SSBP3: variants seen among roughly 807,000 people sequenced by gnomAD.
SSBP3 encodes the protein single-stranded DNA-binding protein 3.
SSBP3 carries 5 observed loss-of-function variants against 69.6 expected under a neutral mutation model. The observed-to-expected ratio is 0.07, with a 90% confidence interval of 0.04 to 0.15. SSBP3 has a LOEUF of 0.15. Ranked by LOEUF, SSBP3 falls within the 10% of genes least tolerant of loss-of-function variation. The pLI is 1.00. For synonymous variants in SSBP3, 196 were observed against 193.4 expected (o/e 1.01, Z -0.11); for missense variants, 312 against 534.0 (o/e 0.58, Z 4.10).
chr1:54,272,704 G>A (rs374620128), intron 5 of SSBP3, among the ~76,000 whole-genome samples: 13 of 152,210 alleles, frequency 8.5e-5, no homozygotes, highest in Non-Finnish European at 1.3e-4. Context: ...GAGAACTGCC[G>A]ACCTGCGGCA....
chr1:54,382,438 G>A (rs537952127), intron 4 of SSBP3, among the ~76,000 whole-genome samples: 18 of 152,312 alleles, frequency 1.2e-4, no homozygotes, highest in African/African-American at 1.9e-4. Context: ...TGAGGTCTGT[G>A]AGGGCAAAAG....
chr1:54,232,439 T>A (rs643805), intron 14 of SSBP3, among the ~76,000 whole-genome samples: 95,866 of 151,532 alleles, frequency 0.63, 31,215 homozygotes, highest in African/African-American at 0.79. Flanking sequence ...TATGTTTTTT[T>A]AAAATAAAAC....
At chr1:54,411,635 G>A (rs1010074866) in intron 1 of SSBP3, among the ~76,000 whole-genome samples, 4 of 152,050 alleles carry the variant, frequency 2.6e-5, no homozygotes, top group African/African-American at 9.7e-5. Context: ...GTTCACGCCT[G>A]TAATCCCGGC....
intron 4 of SSBP3, among the ~76,000 whole-genome samples, chr1:54,302,164 T>C (rs566902611): frequency 1.3e-5 from 2 of 152,314 alleles, no homozygotes; most frequent in South Asian, 4.1e-4. Context: ...TGTCTTCCCC[T>C]CCAGCCTGTA....
At chr1:54,359,292 T>TG (rs1646916982) in intron 4 of SSBP3, among the ~76,000 whole-genome samples, 1 of 150,992 alleles carries the variant, frequency 6.6e-6, no homozygotes, top group Non-Finnish European at 1.5e-5. Context: ...AGATTATAGC[T>TG]GCTCTGTCTA....
chr1:54,240,034 A>C (rs1166632333), intron 13 of SSBP3, among the ~76,000 whole-genome samples: 1 of 148,378 alleles, frequency 6.7e-6, no homozygotes, highest in Non-Finnish European at 1.5e-5. Context: ...GGAAAGAAAC[A>C]TAATTGTGAT....
Position 54,268,795 on chromosome 1 carries a change from G to A in SSBP3, c.367-10646C>T, listed in dbSNP as rs3820109. Among the ~76,000 whole-genome samples, 27 of 152,344 alleles carry A rather than the reference G, an allele frequency of 1.8e-4. No individual in the cohort carries two copies. In the East Asian group the frequency reaches 5.2e-3, roughly 29 times the overall value. ...AACCAGGACTCTGGGAGACACAGATGTGGGAGGTCGGGCCCACAGTCACAC... is the reference window on the plus strand; with the variant it reads ...AACCAGGACTCTGGGAGACACAGATATGGGAGGTCGGGCCCACAGTCACAC... On this transcript the variant is annotated intron_variant, in intron 5 of 17. Coordinates refer to ENST00000610401, the Ensembl canonical transcript of SSBP3.
intron 5 of SSBP3, among the ~76,000 whole-genome samples, chr1:54,276,635 GTGT>G (rs1479866141): frequency 1.1e-5 from 1 of 91,380 alleles, no homozygotes; most frequent in East Asian, 3.4e-4. Flanking sequence ...AAAAAAAAAG[GTGT>G]CAGCTACTTT....
chr1:54,291,354 G>A (rs1339070300), intron 4 of SSBP3, among the ~76,000 whole-genome samples: 1 of 152,062 alleles, frequency 6.6e-6, no homozygotes, highest in Non-Finnish European at 1.5e-5. Context: ...CCAGGGAAGG[G>A]GCGCATAATT....
At chr1:54,274,748 C>CT (rs1236327352) in intron 5 of SSBP3, among the ~76,000 whole-genome samples, 2 of 152,206 alleles carry the variant, frequency 1.3e-5, no homozygotes, top group Non-Finnish European at 1.5e-5. Flanking sequence ...CATGGAACCT[C>CT]TTCCTGGGAT....
chr1:54,227,061 C>T, exon 18 of SSBP3: 1 of 1,334,990 alleles, frequency 7.5e-7, no homozygotes. Context: ...TGACACCTCA[C>T]TTCTTGCATA....
intron 4 of SSBP3, among the ~76,000 whole-genome samples, chr1:54,312,291 T>TAA (rs566877875): frequency 7.2e-5 from 10 of 139,430 alleles, no homozygotes; most frequent in African/African-American, 1.3e-4. Flanking sequence ...ACTCTCTCTT[T>TAA]AAAAAAAAAA....
At chr1:54,361,079 G>A (rs1159474073) in intron 4 of SSBP3, among the ~76,000 whole-genome samples, 1 of 152,044 alleles carries the variant, frequency 6.6e-6, no homozygotes, top group Non-Finnish European at 1.5e-5. Flanking sequence ...AACAAAATGA[G>A]ACCCTGTCTC....
intron 4 of SSBP3, among the ~76,000 whole-genome samples, chr1:54,398,350 GCCACTCATTTCTTGGCCTTCCAAATT>G (rs1204793785): frequency 2.0e-5 from 3 of 152,192 alleles, no homozygotes; most frequent in Non-Finnish European, 4.4e-5. Flanking sequence ...TGGCTCAAAG[GCCACTCATTTCTTGGCCTTCCAAATT>G]CCACTCATTT....
intron 5 of SSBP3, among the ~76,000 whole-genome samples, chr1:54,266,891 G>T (rs955813652): frequency 1.3e-5 from 2 of 152,148 alleles, no homozygotes; most frequent in African/African-American, 2.4e-5. Context: ...TGCATCATCG[G>T]AACACAAAAC....
At chr1:54,405,077 A>G in intron 1 of SSBP3, 147 bp from the exon 2 acceptor site, 1 of 712,834 alleles carries the variant, frequency 1.4e-6, no homozygotes, top group Admixed American at 2.2e-5. Flanking sequence ...CTCACCCCAA[A>G]CAGGGCCGCC....
At chr1:54,368,465 T>C (rs1264536700) in intron 4 of SSBP3, among the ~76,000 whole-genome samples, 3 of 149,296 alleles carry the variant, frequency 2.0e-5, no homozygotes, top group Non-Finnish European at 4.4e-5. Context: ...GACCCATAGT[T>C]CCCCACATTT....
At chr1:54,326,097 G>C (rs1334912700) in intron 4 of SSBP3, among the ~76,000 whole-genome samples, 1 of 152,160 alleles carries the variant, frequency 6.6e-6, no homozygotes, top group Admixed American at 6.5e-5. Flanking sequence ...AGCAGCCGCA[G>C]CTCAAACTCT....
chr1:54,279,201 C>T (rs1034416229), intron 5 of SSBP3, among the ~76,000 whole-genome samples: 4 of 152,144 alleles, frequency 2.6e-5, no homozygotes, highest in South Asian at 2.1e-4. Context: ...CTTGATGGCT[C>T]GCCGTGCCTG....
Sources: allele counts gnomAD v4.1 joint callset (sites outside exome capture counted in the v4.1 genomes callset), GRCh38; gene constraint gnomAD v4.1.1; transcripts MANE v1.5; gene names NCBI Gene and HGNC (gene_info 2026-07-23, HGNC 2026-07-21).